PRDM12: variants seen among roughly 807,000 people sequenced by gnomAD.
PRDM12 encodes the protein PR/SET domain 12, also known as PR domain zinc finger protein 12.
Under a neutral mutation model 29.6 loss-of-function variants are expected in PRDM12, and 17 were observed. The ratio of observed to expected loss-of-function variants is 0.57; its 90% confidence interval spans 0.39 to 0.86. The LOEUF is 0.86. PRDM12 is among the 40% of genes least tolerant of loss of function. PRDM12 has a pLI of 0.00. For synonymous variants in PRDM12, 231 were observed against 225.8 expected, an observed-to-expected ratio of 1.02 and a Z score of -0.21; for missense variants, 422 against 510.8, an observed-to-expected ratio of 0.83 and a Z score of 1.68.
rs1830911886 is a variant in PRDM12, at chr9:130,682,175, C to T, written c.*506C>T. 1 of 152,366 alleles carries T rather than the reference C, an allele frequency of 6.6e-6. No homozygotes were observed. Among genetic ancestry groups the T allele is most frequent in the African/African-American group, 2.4e-5 (1 of 41,440 alleles). 9.4% of individuals were successfully genotyped at this position (152,366 alleles called of 1,614,324 possible). On this transcript the variant is annotated 3_prime_UTR_variant, in exon 5 of 5. Coordinates refer to ENST00000253008, the MANE Select transcript of PRDM12 (RefSeq NM_021619.3). This position sits in a 1 kb window ranked among gnomAD's most constrained non-coding sequence, Gnocchi z 4.2. Reference sequence around the variant, plus strand: ...CCATCTCCTCTTCCGGCCCCTGGGACTGGTGTCCTGAAGTGTCGGGAGTCC... The same window carrying T: ...CCATCTCCTCTTCCGGCCCCTGGGATTGGTGTCCTGAAGTGTCGGGAGTCC...
intron 3 of PRDM12, among the ~76,000 whole-genome samples, chr9:130,669,633 G>A (rs1830769220): frequency 6.6e-6 from 1 of 151,396 alleles, no homozygotes; most frequent in Non-Finnish European, 1.5e-5. Context: ...GGCTAACATG[G>A]TGAAACCCCG....
chr9:130,673,662 ATTTTTTTTTTTT>A (rs35312514), intron 3 of PRDM12, among the ~76,000 whole-genome samples: 1 of 86,292 alleles, frequency 1.2e-5, no homozygotes, highest in African/African-American at 4.8e-5. Flanking sequence ...CTCACGGCTA[ATTTTTTTTTTTT>A]TTTTTTTTTT....
chr9:130,672,079 G>A (rs1190505254), intron 3 of PRDM12, among the ~76,000 whole-genome samples: 2 of 152,180 alleles, frequency 1.3e-5, no homozygotes, highest in Non-Finnish European at 2.9e-5. Flanking sequence ...GGAACCTCCT[G>A]GCTTACTCCA....
At chr9:130,674,476 G>GCTT (rs888754298) in intron 3 of PRDM12, among the ~76,000 whole-genome samples, 3 of 140,038 alleles carry the variant, frequency 2.1e-5, no homozygotes, top group African/African-American at 8.1e-5. Context: ...TGATTTTCTT[G>GCTT]CTTTTAAAAG....
intron 4 of PRDM12, 70 bp downstream of exon 4, chr9:130,678,710 G>A (rs966219846): frequency 7.7e-7 from 1 of 1,292,846 alleles, no homozygotes; most frequent in Non-Finnish European, 1.1e-6. Context: ...GGGAGAGAGA[G>A]AATGAGAGAG....
rs1230135786 is a variant in PRDM12, at chr9:130,681,579, C to G, written c.1014C>G (p.Pro338=). 3 of 1,174,370 alleles carry G rather than the reference C, an allele frequency of 2.6e-6. No homozygotes were observed. The highest frequency in any genetic ancestry group is 2.1e-6 in the Non-Finnish European group (2 of 950,482). The allele number at this position is 1,174,370 out of a possible 1,614,324, so 72.7% of individuals were successfully genotyped here. The part of the protein sequence containing the change: ...TALQAHSPAL[P]APHAHAPALA... ...TGCAGGCACACTCGCCCGCGCTGCC[C>G]GCCCCGCACGCGCACGCGCCCGCGC... is the stretch of plus-strand genomic sequence containing the variant. The change falls in exon 5 of 5, where the codon CCC becomes CCG. Residue 338 remains proline, a synonymous_variant. Coordinates refer to ENST00000253008, the MANE Select transcript of PRDM12 (RefSeq NM_021619.3). The surrounding 1 kb of genome is among the most constrained non-coding windows in gnomAD (Gnocchi z 8.1).
rs1358957289 is a variant in PRDM12, at chr9:130,681,776, GGAGCCCCGC to G, written c.*109_*117del. The G allele has an allele frequency of 2.0e-5, 19 of 929,842 alleles. No homozygotes were observed. Among genetic ancestry groups the G allele is most frequent in the Non-Finnish European group, 2.4e-5 (19 of 779,754 alleles). 57.6% of individuals were successfully genotyped at this position (929,842 alleles called of 1,614,324 possible). A position where few individuals can be genotyped will look rare whatever the true frequency, so the allele number is the denominator to read the frequency against. On this transcript the variant is annotated 3_prime_UTR_variant, in exon 5 of 5. Transcript: ENST00000253008. The surrounding 1 kb of genome is among the most constrained non-coding windows in gnomAD (Gnocchi z 8.1). The stretch of plus-strand genomic sequence containing the variant: ...CCAACCCCCGGCCCGGCGCCGCCGC[GGAGCCCCGC>G]GCGCTGGGGTTGCGCCCCGGAGGCG...
Position 130,680,659 on chromosome 9 carries a change from A to ATATATATATATATATTT in PRDM12, c.683-588_683-587insATATATATATATATTTT. Among the ~76,000 whole-genome samples, 66 of 72,136 alleles carry ATATATATATATATATTT rather than the reference A, an allele frequency of 9.1e-4. 1 individual carries two copies. Among genetic ancestry groups the ATATATATATATATATTT allele is most frequent in the Middle Eastern group, 0.01 (1 of 96 alleles). 47.3% of individuals were successfully genotyped at this position (72,136 alleles called of 152,430 possible). A position where few individuals can be genotyped will look rare whatever the true frequency, so the allele number is the denominator to read the frequency against. ...AATATATATATATATATATATATAT[A>ATATATATATATATATTT]TTTTTTTTTTTTTTAACTGATCCTT... On this transcript the variant is annotated intron_variant, in intron 4 of 4. Coordinates refer to ENST00000253008, the MANE Select transcript of PRDM12 (RefSeq NM_021619.3).
chr9:130,681,614 C>CT lies in PRDM12; in HGVS notation c.1049_1050insT (p.Ala351ArgfsTer200), dbSNP rs773334242. The CT allele has an allele frequency of 1.2e-5, 10 of 817,066 alleles. No individual in the cohort carries two copies. Among genetic ancestry groups the CT allele is most frequent in the African/African-American group, 1.9e-5 (1 of 52,652 alleles). The allele number at this position is 817,066 out of a possible 1,614,324, so 50.6% of individuals were successfully genotyped here. On this transcript the variant is annotated frameshift_variant, in exon 5 of 5. Transcript: ENST00000253008. LOFTEE classifies it high-confidence loss of function. The surrounding 1 kb of genome is among the most constrained non-coding windows in gnomAD (Gnocchi z 8.1). ...GCGCACGCGCCCGCGCTCGCCGCCGCCGCCGCCGCCGCCGCCGCCGCCGCC... is the reference window on the plus strand; with the variant it reads ...GCGCACGCGCCCGCGCTCGCCGCCGCTCGCCGCCGCCGCCGCCGCCGCCGCC...
intron 4 of PRDM12, among the ~76,000 whole-genome samples, chr9:130,679,536 T>C (rs1208374423): frequency 6.6e-6 from 1 of 152,166 alleles, no homozygotes; most frequent in Non-Finnish European, 1.5e-5. Flanking sequence ...TTTTGTTATG[T>C]TGGCCAAGCT....
intron 3 of PRDM12, among the ~76,000 whole-genome samples, chr9:130,669,429 A>G (rs1216426083): frequency 6.6e-6 from 1 of 152,094 alleles, no homozygotes; most frequent in Admixed American, 6.6e-5. Flanking sequence ...AGGCTGAGGC[A>G]TGAGAATTGC....
At chr9:130,666,903 G>A (rs1029051997) in intron 2 of PRDM12, 105 bp downstream of exon 2, 5 of 1,428,222 alleles carry the variant, frequency 3.5e-6, no homozygotes, top group South Asian at 1.4e-5. Context: ...GGCTGAGAGC[G>A]GCGGACACTC....
At chr9:130,669,631 T>C (rs1194803502) in intron 3 of PRDM12, among the ~76,000 whole-genome samples, 2 of 150,458 alleles carry the variant, frequency 1.3e-5, no homozygotes, top group African/African-American at 2.4e-5. Context: ...CTGGCTAACA[T>C]GGTGAAACCC....
intron 3 of PRDM12, among the ~76,000 whole-genome samples, chr9:130,672,020 T>C (rs1328798901): frequency 6.6e-6 from 1 of 151,544 alleles, no homozygotes; most frequent in Non-Finnish European, 1.5e-5. Context: ...TCAGTGGAGG[T>C]TCCGCAGCAG....
At chr9:130,666,882 G>A (rs1830738872) in intron 2 of PRDM12, 84 bp downstream of exon 2, 1 of 1,482,986 alleles carries the variant, frequency 6.7e-7, no homozygotes, top group Non-Finnish European at 9.0e-7. Context: ...GGCCGTCGCC[G>A]CTTCCACCCG....
At chr9:130,676,707 G>T (rs886255395) in intron 3 of PRDM12, among the ~76,000 whole-genome samples, 5 of 152,070 alleles carry the variant, frequency 3.3e-5, no homozygotes, top group Admixed American at 3.3e-4. Flanking sequence ...AACTTCCTGT[G>T]GCTTCTGGGA....
At chr9:130,667,826 A>T (rs986759886) in intron 2 of PRDM12, among the ~76,000 whole-genome samples, 2 of 152,072 alleles carry the variant, frequency 1.3e-5, no homozygotes, top group Non-Finnish European at 2.9e-5. Flanking sequence ...GCACCTCTGC[A>T]TCCCTTGAGA....
At chr9:130,676,469 C>G (rs1830843608) in intron 3 of PRDM12, among the ~76,000 whole-genome samples, 1 of 152,032 alleles carries the variant, frequency 6.6e-6, no homozygotes, top group Admixed American at 6.6e-5. Context: ...GCACTCCAGC[C>G]TGGGCGACAG....
intron 3 of PRDM12, among the ~76,000 whole-genome samples, chr9:130,676,230 C>T (rs1453607878): frequency 6.6e-6 from 1 of 152,138 alleles, no homozygotes. Flanking sequence ...GTGGCTCACA[C>T]CTGTAATCCC....
Sources: gnomAD v4.1 joint callset for allele counts (sites outside exome capture counted in the v4.1 genomes callset) on GRCh38, gnomAD v4.1.1 for gene constraint, Gnocchi (gnomAD v3.1) non-coding constraint, MANE v1.5 for transcripts, NCBI Gene and HGNC (gene_info 2026-07-23, HGNC 2026-07-21) for gene names.